LY96: variants seen among roughly 807,000 people sequenced by gnomAD.
LY96 encodes the protein lymphocyte antigen 96.
A neutral mutation model predicts 18.9 loss-of-function variants in LY96; 18 were observed. That is an observed-to-expected ratio of 0.95 (90% confidence interval 0.66 to 1.41). LY96 has a LOEUF of 1.41. Ranked by LOEUF, LY96 falls within the 40% of genes most tolerant of loss-of-function variation. The pLI is 0.00. For missense variants in LY96, 175 were observed against 182.4 expected, an observed-to-expected ratio of 0.96 and a Z score of 0.23; for synonymous variants, 66 against 62.6, an observed-to-expected ratio of 1.06 and a Z score of -0.26.
intron 1 of LY96, among the ~76,000 whole-genome samples, chr8:74,000,390 A>G (rs1816238460): frequency 1.3e-5 from 2 of 152,032 alleles, no homozygotes; most frequent in Non-Finnish European, 2.9e-5. Context: ...GCAGTTTCCA[A>G]TACCTTGTTT....
At chr8:73,996,744 G>A (rs1816155683) in intron 1 of LY96, among the ~76,000 whole-genome samples, 2 of 151,146 alleles carry the variant, frequency 1.3e-5, no homozygotes, top group African/African-American at 4.9e-5. Context: ...ATTTTTTGGG[G>A]GATGGGATTT....
intron 3 of LY96, among the ~76,000 whole-genome samples, chr8:74,020,906 T>C (rs1341146137): frequency 1.3e-5 from 2 of 152,132 alleles, no homozygotes; most frequent in East Asian, 1.9e-4. Context: ...TTAAATCTTA[T>C]ACAAAAATTA....
At chr8:74,051,813 A>G in the LY96 span, among the ~76,000 whole-genome samples, 2 of 152,188 alleles carry the variant, frequency 1.3e-5, no homozygotes, top group African/African-American at 4.8e-5. Context: ...TGGATTTCCT[A>G]GCTCCAGAAT....
At chr8:74,086,759 G>A in the LY96 span, among the ~76,000 whole-genome samples, 5 of 152,172 alleles carry the variant, frequency 3.3e-5, no homozygotes, top group East Asian at 1.9e-4. Context: ...CAGCCCTGCC[G>A]AATGGGATTA....
At chr8:74,096,746 A>C in the LY96 span, among the ~76,000 whole-genome samples, 2 of 152,232 alleles carry the variant, frequency 1.3e-5, no homozygotes, top group Non-Finnish European at 1.5e-5. Flanking sequence ...TATGACACAT[A>C]GCAGGTCCTC....
At chr8:74,067,320 C>T in the LY96 span, among the ~76,000 whole-genome samples, 2 of 152,192 alleles carry the variant, frequency 1.3e-5, no homozygotes, top group Non-Finnish European at 2.9e-5. Context: ...TAGCCTCAAC[C>T]TCCTGGGCTC....
At chr8:74,049,467 G>T in the LY96 span, among the ~76,000 whole-genome samples, 1 of 152,086 alleles carries the variant, frequency 6.6e-6, no homozygotes, top group Admixed American at 6.5e-5. Flanking sequence ...TTTGAGATTT[G>T]ACATAATAGC....
chr8:74,049,145 G>A, the LY96 span, among the ~76,000 whole-genome samples: 1 of 152,128 alleles, frequency 6.6e-6, no homozygotes, highest in Non-Finnish European at 1.5e-5. Flanking sequence ...ACAAGAGCAG[G>A]AACCGTATGT....
downstream of LY96, among the ~76,000 whole-genome samples, chr8:74,032,327 A>G (rs1432514936): frequency 1.3e-5 from 2 of 152,248 alleles, no homozygotes; most frequent in Admixed American, 1.3e-4. Context: ...AGGAAGAAGA[A>G]GTAAAAACTA....
intron 3 of LY96, among the ~76,000 whole-genome samples, chr8:74,012,356 T>TA (rs1174275326): frequency 6.6e-6 from 1 of 152,104 alleles, no homozygotes; most frequent in African/African-American, 2.4e-5. Context: ...ATTAAGCCAT[T>TA]AAAAAAATGA....
intron 4 of LY96, among the ~76,000 whole-genome samples, chr8:74,028,123 G>C (rs1006954975): frequency 6.6e-6 from 1 of 152,182 alleles, no homozygotes; most frequent in African/African-American, 2.4e-5. Flanking sequence ...TTGCATAAGG[G>C]CGCTGGCTTT....
At chr8:74,033,697 G>A (rs185596642), downstream of LY96, among the ~76,000 whole-genome samples, 6 of 152,350 alleles carry the variant, frequency 3.9e-5, no homozygotes, top group East Asian at 1.2e-3. Flanking sequence ...TGTGGTTAAA[G>A]AGGAGTCAAG....
chr8:73,997,840 G>T (rs1364653704), intron 1 of LY96, among the ~76,000 whole-genome samples: 1 of 152,204 alleles, frequency 6.6e-6, no homozygotes, highest in African/African-American at 2.4e-5. Flanking sequence ...AGATGAAAGA[G>T]ATATATAAGG....
the LY96 span, among the ~76,000 whole-genome samples, chr8:74,059,954 C>T: frequency 2.0e-5 from 3 of 152,278 alleles, no homozygotes; most frequent in South Asian, 2.1e-4. Flanking sequence ...GCCTGGGCAA[C>T]GTGGTGAAAC....
chr8:74,037,515 C>G, the LY96 span, among the ~76,000 whole-genome samples: 24 of 152,098 alleles, frequency 1.6e-4, no homozygotes, highest in Non-Finnish European at 3.4e-4. Context: ...GCCTGTAGTC[C>G]CAGCTACTCA....
intron 3 of LY96, among the ~76,000 whole-genome samples, chr8:74,022,823 C>A (rs568255197): frequency 6.6e-6 from 1 of 152,232 alleles, no homozygotes; most frequent in African/African-American, 2.4e-5. Context: ...TCGTGATCAG[C>A]CCACCTCGGC....
the LY96 span, among the ~76,000 whole-genome samples, chr8:74,079,287 A>C: frequency 6.6e-5 from 10 of 152,242 alleles, no homozygotes; most frequent in African/African-American, 2.2e-4. Flanking sequence ...TTGCAGATGC[A>C]GATTGTGAGA....
intron 3 of LY96, among the ~76,000 whole-genome samples, chr8:74,010,824 G>C (rs1435977675): frequency 1.3e-5 from 2 of 151,764 alleles, no homozygotes; most frequent in African/African-American, 4.8e-5. Flanking sequence ...ACTAGTAACA[G>C]AGCAGCATCC....
At chr8:74,091,835 T>G in the LY96 span, among the ~76,000 whole-genome samples, 3 of 152,168 alleles carry the variant, frequency 2.0e-5, no homozygotes, top group African/African-American at 7.2e-5. Context: ...CTTCAAACCC[T>G]TCGACTTGCC....
Sources: gnomAD v4.1 joint callset for allele counts (sites outside exome capture counted in the v4.1 genomes callset) on GRCh38, gnomAD v4.1.1 for gene constraint, MANE v1.5 for transcripts, NCBI Gene and HGNC (gene_info 2026-07-23, HGNC 2026-07-21) for gene names.